Variants in KDM6B observed in about 807,000 individuals in gnomAD.
The protein encoded by KDM6B is lysine-specific demethylase 6B.
KDM6B carries 22 observed loss-of-function variants against 150.4 expected under a neutral mutation model. The observed-to-expected ratio is 0.15, with a 90% CI of 0.10 to 0.21. KDM6B has a LOEUF of 0.21. Ranked by LOEUF, KDM6B falls within the 10% of genes least tolerant of loss-of-function variation. The probability of loss-of-function intolerance (pLI) is 1.00; values close to 1 mark genes in which losing one functional copy is unlikely to be tolerated. For synonymous variants in KDM6B, 1,148 were observed against 921.1 expected, an observed-to-expected ratio of 1.25 and a Z score of -4.46; for missense variants, 1,984 against 2,234.3, an observed-to-expected ratio of 0.89 and a Z score of 2.26.
chr17:7,845,288 G>T, intron 3 of KDM6B, 26 bp from the exon 4 acceptor site: 1 of 586,486 alleles, frequency 1.7e-6, no homozygotes. Flanking sequence ...TGGCCAGCTC[G>T]TCTCACTCCT....
intron 6 of KDM6B, 40 bp downstream of exon 6, chr17:7,846,010 G>A (rs1597834179): frequency 1.9e-6 from 3 of 1,606,744 alleles, no homozygotes; most frequent in Non-Finnish European, 2.6e-6. Flanking sequence ...GGGAGGTAAG[G>A]CTGGGGCCTT....
chr17:7,845,336 G>A lies in KDM6B; in HGVS notation c.-126G>A, dbSNP rs984318109. On this transcript the variant is annotated 5_prime_UTR_variant, in exon 4 of 24. Coordinates refer to ENST00000448097, the MANE Select transcript of KDM6B (RefSeq NM_001348716.2). Reference sequence around the variant, plus strand: ...TAGAATTGGCTGTGAAAGGACTGAGGCAGCCATCTGGGGGTAGCGGGCACT... The same window carrying A: ...TAGAATTGGCTGTGAAAGGACTGAGACAGCCATCTGGGGGTAGCGGGCACT... The A allele has an allele frequency of 1.6e-6, 1 of 642,050 alleles. No homozygotes were observed. Among genetic ancestry groups the A allele is most frequent in the Non-Finnish European group, 2.8e-6 (1 of 354,842 alleles). 39.8% of individuals were successfully genotyped at this position (642,050 alleles called of 1,614,324 possible). A position where few individuals can be genotyped will look rare whatever the true frequency, so the allele number is the denominator to read the frequency against.
chr17:7,845,230 T>C (rs2078507884), intron 3 of KDM6B, 84 bp from the exon 4 acceptor site: 1 of 494,656 alleles, frequency 2.0e-6, no homozygotes, highest in Admixed American at 3.3e-5. Context: ...GACAAATTGG[T>C]GGATGCCACA....
At position 7,853,744 on chromosome 17, in the gene KDM6B, G is replaced by T; in HGVS notation, c.*223G>T. The T allele has an allele frequency of 3.1e-6, 1 of 327,284 alleles. No homozygotes were observed. 20.3% of individuals were successfully genotyped at this position (327,284 alleles called of 1,614,324 possible). A position where few individuals can be genotyped will look rare whatever the true frequency, so the allele number is the denominator to read the frequency against. On this transcript the variant is annotated 3_prime_UTR_variant, in exon 24 of 24. Transcript: ENST00000448097. ...AAAAAAATGGGAGACGGGGGAGGGG[G>T]CTGGCAGCCCCTCGCCCACCAGCGC...
Position 7,846,471 on chromosome 17 carries a change from G to A in KDM6B, c.528G>A (p.Val176=). ...AGGTCCTGCCCCCACTGGAGCAAGTGTGGAACTTGCTACACCTTGAGGTGA... is the reference window on the plus strand; with the variant it reads ...AGGTCCTGCCCCCACTGGAGCAAGTATGGAACTTGCTACACCTTGAGGTGA... The part of the protein sequence containing the change: ...RAKVLPPLEQ[V]WNLLHLEHKR... The change falls in exon 8 of 24, where the codon GTG becomes GTA. Residue 176 remains valine, a synonymous_variant. Coordinates refer to ENST00000448097, the MANE Select transcript of KDM6B (RefSeq NM_001348716.2). The A allele has an allele frequency of 1.2e-6, 2 of 1,613,710 alleles. No individual in the cohort carries two copies. Among genetic ancestry groups the A allele is most frequent in the Non-Finnish European group, 1.7e-6 (2 of 1,179,876 alleles).
chr17:7,839,011 G>A (rs1181198411), intron 1 of KDM6B, among the ~76,000 whole-genome samples: 4 of 152,126 alleles, frequency 2.6e-5, no homozygotes, highest in Admixed American at 6.5e-5. Flanking sequence ...GATGGGGGCC[G>A]GAAGGCTAGG....
chr17:7,852,716 T>G, intron 21 of KDM6B, 80 bp downstream of exon 21: 1 of 1,580,164 alleles, frequency 6.3e-7, no homozygotes, highest in South Asian at 1.1e-5. Context: ...TCCACCCCAT[T>G]TTTACCTCTC....
Position 7,854,531 on chromosome 17 carries a change from T to G in KDM6B, c.*1010T>G, listed in dbSNP as rs2078773177. ...ACAGACCTTCACCCCCACCCCCTTTTCTTTTTAAGTGTGAAACAACCCAGG... is the reference window on the plus strand; with the variant it reads ...ACAGACCTTCACCCCCACCCCCTTTGCTTTTTAAGTGTGAAACAACCCAGG... On this transcript the variant is annotated 3_prime_UTR_variant, in exon 24 of 24. Coordinates refer to ENST00000448097, the MANE Select transcript of KDM6B (RefSeq NM_001348716.2). 2 of 152,556 alleles carry G rather than the reference T, an allele frequency of 1.3e-5. No homozygotes were observed. Among genetic ancestry groups the G allele is most frequent in the African/African-American group, 4.8e-5 (2 of 41,394 alleles). The allele number at this position is 152,556 out of a possible 1,614,324, so 9.5% of individuals were successfully genotyped here. A position where few individuals can be genotyped will look rare whatever the true frequency, so the allele number is the denominator to read the frequency against.
rs1175321149 is a variant in KDM6B, at chr17:7,847,728, A to G, written c.1440A>G (p.Pro480=). The G allele has an allele frequency of 2.4e-6, 2 of 832,384 alleles. No individual in the cohort carries two copies. The highest frequency in any genetic ancestry group is 5.1e-5 in the African/African-American group (1 of 19,784). The allele number at this position is 832,384 out of a possible 1,614,324, so 51.6% of individuals were successfully genotyped here. The stretch of plus-strand genomic sequence containing the variant: ...CCTGTCCCCGCCTCTTACGCCCCCC[A>G]CCACCCCCTGCCTGGTTGAAGGGTC... ...PPPCPRLLRP[P]PPPAWLKGPA... The change falls in exon 12 of 24, where the codon CCA becomes CCG. Residue 480 remains proline (P), a synonymous_variant. Transcript: ENST00000448097.
At chr17:7,836,736 C>T (rs1326723784) in intron 1 of KDM6B, among the ~76,000 whole-genome samples, 2 of 152,214 alleles carry the variant, frequency 1.3e-5, no homozygotes, top group East Asian at 1.9e-4. Context: ...GCCTGGGTTT[C>T]TTCTTATGTC....
At position 7,839,226 on chromosome 17, in the gene KDM6B, G is replaced by A. The variant is rs77837155; in HGVS notation, c.-387-680G>A. On this transcript the variant is annotated intron_variant, in intron 1 of 23. Transcript: ENST00000448097. ...CTTGTCTATGAGGGTTGGGAAGGGAGTGGGCCTGTATCACCTTCTTAGGCC... is the reference window on the plus strand; with the variant it reads ...CTTGTCTATGAGGGTTGGGAAGGGAATGGGCCTGTATCACCTTCTTAGGCC... Among the ~76,000 whole-genome samples the A allele has an allele frequency of 0.012, 1,808 of 152,276 alleles. 128 individuals are homozygous for A. The East Asian group carries it at 0.2, about 17-fold the overall frequency.
rs1298264409 is a variant in KDM6B at position 7,848,016 on chromosome 17, T to C, written c.1728T>C (p.Tyr576=). ...AGPVSFPPPP[Y]LARSIDPLPR... ...CTGTGTCCTTTCCCCCACCACCCTATCTGGCCAGAAGTATAGACCCCCTTC... is the reference window on the plus strand; with the variant it reads ...CTGTGTCCTTTCCCCCACCACCCTACCTGGCCAGAAGTATAGACCCCCTTC... The change falls in exon 12 of 24, where the codon TAT becomes TAC. Residue 576 remains tyrosine (Y), a synonymous_variant. Coordinates refer to ENST00000448097, the MANE Select transcript of KDM6B (RefSeq NM_001348716.2). The C allele has an allele frequency of 6.2e-7, 1 of 1,601,270 alleles. No individual in the cohort carries two copies. The highest frequency in any genetic ancestry group is 1.4e-5 in the African/African-American group (1 of 70,772).
In KDM6B at chr17:7,848,163, G is replaced by A. The variant is rs201687384; in HGVS notation, c.1875G>A (p.Pro625=). 4.4e-5 allele frequency: 71 copies of A among 1,612,608 alleles called. 1 individual carries two copies. The East Asian group carries it at 4.9e-4, about 11-fold the overall frequency. The change falls in exon 12 of 24, where the codon CCG becomes CCA. Residue 625 remains proline, a synonymous_variant. Transcript: ENST00000448097. ...ATACCTCAGGAAGCTTCAGGCGCCC[G>A]GAGAGCCCCCGGCCCAGGGTCTCCT... The part of the protein sequence containing the change: ...HQNTSGSFRR[P]ESPRPRVSFP...
rs2078464534 is a variant in KDM6B at position 7,843,665 on chromosome 17, C to T, written c.-268-1236C>T. ...CTCCCCCGGCTTCCTGCCCGGCGCTCGCTCCAGCTGGAGCGCTGGCCCCGC... is the reference window on the plus strand; with the variant it reads ...CTCCCCCGGCTTCCTGCCCGGCGCTTGCTCCAGCTGGAGCGCTGGCCCCGC... On this transcript the variant is annotated intron_variant, in intron 2 of 23. Transcript: ENST00000448097. The surrounding 1 kb of genome is among the most constrained non-coding windows in gnomAD (Gnocchi z 4.5). Among the ~76,000 whole-genome samples, 2 of 152,070 alleles carry T rather than the reference C, an allele frequency of 1.3e-5. No individual in the cohort carries two copies.
chr17:7,849,515 A>T lies in KDM6B; in HGVS notation c.3227A>T (p.Glu1076Val). Reference sequence around the variant, plus strand: ...TCTGTCCCTGGAAAGAAGGCTCGGGAGGAAGCCCCAGGGCCACCGGGTGTC... The same window carrying T: ...TCTGTCCCTGGAAAGAAGGCTCGGGTGGAAGCCCCAGGGCCACCGGGTGTC... ...SASVPGKKAR[E>V]EAPGPPGVSR... The change falls in exon 12 of 24, where the codon GAG (glutamate) becomes GTG (valine). Residue 1076 changes from glutamate (E) to valine (V), a missense_variant. Around this residue, in one of 13 missense-constraint regions of KDM6B, gnomAD observed 1,379 missense variants for 1,275.6 expected, o/e 1.08. Coordinates refer to ENST00000448097, the MANE Select transcript of KDM6B (RefSeq NM_001348716.2). 6.2e-7 allele frequency: 1 copy of T among 1,612,856 alleles called. No individual in the cohort carries two copies. Among genetic ancestry groups the T allele is most frequent in the Non-Finnish European group, 8.5e-7 (1 of 1,179,952 alleles).
chr17:7,849,028 C>T lies in KDM6B; in HGVS notation c.2740C>T (p.Leu914=). Residue 914 remains leucine, a synonymous_variant, in exon 12 of 24, where the codon CTA becomes TTA. Coordinates refer to ENST00000448097, the MANE Select transcript of KDM6B (RefSeq NM_001348716.2). ...LPPARSESEV[L]EEISRACETL... ...CCCTGCTCGCTCTGAGTCTGAGGTG[C>T]TAGAAGAGATCAGCCGGGCTTGCGA... 7.2e-7 allele frequency: 1 copy of T among 1,395,618 alleles called. No individual in the cohort carries two copies. The highest frequency in any genetic ancestry group is 9.6e-7 in the Non-Finnish European group (1 of 1,045,216). The allele number at this position is 1,395,618 out of a possible 1,614,324, so 86.5% of individuals were successfully genotyped here. A position where few individuals can be genotyped will look rare whatever the true frequency, so the allele number is the denominator to read the frequency against.
At chr17:7,836,025 C>T (rs1446224186) in intron 1 of KDM6B, among the ~76,000 whole-genome samples, 1 of 152,250 alleles carries the variant, frequency 6.6e-6, no homozygotes, top group Non-Finnish European at 1.5e-5. Flanking sequence ...CCGGCCCCAT[C>T]TGCTCGGCCG....
Position 7,847,216 on chromosome 17 carries a change from C to A in KDM6B, c.1021C>A (p.Pro341Thr). ...PAAPPGPGPR[P>T]PGAESHGCLP... ...TGCTCCCCCAGGCCCAGGCCCCCGC[C>A]CCCCAGGAGCAGAGAGCCATGGCTG... is the stretch of plus-strand genomic sequence containing the variant. The change falls in exon 11 of 24, where the codon CCC becomes ACC. Residue 341 changes from proline (P) to threonine (T), a missense_variant. Transcript: ENST00000448097. The A allele has an allele frequency of 1.9e-6, 3 of 1,598,328 alleles. No homozygotes were observed. The highest frequency in any genetic ancestry group is 2.6e-6 in the Non-Finnish European group (3 of 1,175,980).
At chr17:7,837,502 A>G (rs2078350360) in intron 1 of KDM6B, among the ~76,000 whole-genome samples, 1 of 152,166 alleles carries the variant, frequency 6.6e-6, no homozygotes, top group Non-Finnish European at 1.5e-5. Flanking sequence ...ATTAAGTCCC[A>G]GGGTTGGTGA....
Sources: allele counts gnomAD v4.1 joint callset (sites outside exome capture counted in the v4.1 genomes callset), GRCh38; gene constraint gnomAD v4.1.1; regional missense constraint gnomAD v4.1.1; non-coding constraint Gnocchi (gnomAD v3.1); transcripts MANE v1.5; gene names NCBI Gene and HGNC (gene_info 2026-07-23, HGNC 2026-07-21).